The following ZFPM2 variants were observed in gnomAD, a reference collection of about 807,000 sequenced individuals.
The protein encoded by ZFPM2 is zinc finger protein ZFPM2.
In ZFPM2, 20 loss-of-function variants were observed where a neutral mutation model predicts 98.6. The observed-to-expected ratio is 0.20, with a 90% CI of 0.14 to 0.29. ZFPM2 has a LOEUF of 0.29. Among genes scored for constraint, ZFPM2 ranks in the 10% least tolerant of loss-of-function variants. ZFPM2 has a pLI of 1.00. For synonymous variants in ZFPM2, 518 were observed against 502.7 expected, an observed-to-expected ratio of 1.03 and a Z score of -0.41; for missense variants, 1,310 against 1,388.6, an observed-to-expected ratio of 0.94 and a Z score of 0.90.
chr8:105,426,105 C>T (rs1811902719), intron 2 of ZFPM2, among the ~76,000 whole-genome samples: 1 of 152,014 alleles, frequency 6.6e-6, no homozygotes, highest in Non-Finnish European at 1.5e-5. Flanking sequence ...TCAGAAACTG[C>T]ATAAGACAGC....
intron 3 of ZFPM2, among the ~76,000 whole-genome samples, chr8:105,463,855 CTA>C (rs1471788907): frequency 6.6e-6 from 1 of 151,988 alleles, no homozygotes; most frequent in African/African-American, 2.4e-5. Flanking sequence ...CTCTTAGCGT[CTA>C]CACTTAAATG....
intron 4 of ZFPM2, among the ~76,000 whole-genome samples, chr8:105,627,958 C>G (rs1274832565): frequency 1.3e-5 from 2 of 152,194 alleles, no homozygotes; most frequent in Non-Finnish European, 2.9e-5. Flanking sequence ...GACATCTATG[C>G]TAATCACCAC....
chr8:105,591,262 A>T (rs964599218), intron 4 of ZFPM2, among the ~76,000 whole-genome samples: 1 of 151,706 alleles, frequency 6.6e-6, no homozygotes, highest in African/African-American at 2.4e-5. Context: ...AAAAAAAAGC[A>T]ACAACAACAA....
chr8:105,587,503 A>G (rs1222953280), intron 4 of ZFPM2, among the ~76,000 whole-genome samples: 2 of 152,194 alleles, frequency 1.3e-5, no homozygotes, highest in Non-Finnish European at 1.5e-5. Context: ...TGTATGCCAA[A>G]TACCAAAACC....
intron 3 of ZFPM2, among the ~76,000 whole-genome samples, chr8:105,551,842 A>G (rs2130664297): frequency 6.6e-6 from 1 of 152,282 alleles, no homozygotes; most frequent in African/African-American, 2.4e-5. Flanking sequence ...ATGTTACAAT[A>G]CATGACCATA....
chr8:105,689,700 A>T (rs1160001463), intron 5 of ZFPM2, among the ~76,000 whole-genome samples: 2 of 152,180 alleles, frequency 1.3e-5, no homozygotes, highest in African/African-American at 2.4e-5. Flanking sequence ...GATGATGGTG[A>T]TTGTGATAAA....
At chr8:105,521,201 C>A (rs771757411) in intron 3 of ZFPM2, among the ~76,000 whole-genome samples, 2 of 151,988 alleles carry the variant, frequency 1.3e-5, no homozygotes, top group East Asian at 3.9e-4. Flanking sequence ...CCCATACACA[C>A]ACGGTGATCC....
chr8:105,661,989 G>T (rs1331459439), intron 5 of ZFPM2, among the ~76,000 whole-genome samples: 1 of 152,196 alleles, frequency 6.6e-6, no homozygotes, highest in Non-Finnish European at 1.5e-5. Flanking sequence ...AAAAAAAAAG[G>T]AAGCATGAGA....
intron 5 of ZFPM2, among the ~76,000 whole-genome samples, chr8:105,655,251 GAC>G (rs1817261245): frequency 1.0e-5 from 1 of 96,782 alleles, no homozygotes; most frequent in Non-Finnish European, 1.9e-5. Flanking sequence ...TTTTTTTTGA[GAC>G]AGAGTTTCGC....
intron 3 of ZFPM2, among the ~76,000 whole-genome samples, chr8:105,538,538 G>A (rs1814508198): frequency 6.6e-6 from 1 of 151,926 alleles, no homozygotes; most frequent in Admixed American, 6.6e-5. Flanking sequence ...TATTTAAATT[G>A]TTGTGTTGTC....
chr8:105,328,860 G>A (rs946729449), intron 1 of ZFPM2, among the ~76,000 whole-genome samples: 9 of 151,646 alleles, frequency 5.9e-5, no homozygotes, highest in South Asian at 2.1e-4. Flanking sequence ...GTACTCTTGC[G>A]TTTTTTGGAA....
intron 3 of ZFPM2, among the ~76,000 whole-genome samples, chr8:105,507,303 T>C (rs1813724178): frequency 6.6e-6 from 1 of 152,190 alleles, no homozygotes; most frequent in Non-Finnish European, 1.5e-5. Context: ...GGGTGAGTAC[T>C]TGTGTCTATC....
chr8:105,742,588 G>T (rs1812245115), intron 5 of ZFPM2, among the ~76,000 whole-genome samples: 1 of 151,636 alleles, frequency 6.6e-6, no homozygotes, highest in African/African-American at 2.4e-5. Flanking sequence ...TCAAGGAACT[G>T]GGAGTTCAAA....
At chr8:105,661,641 A>G (rs1817390627) in intron 5 of ZFPM2, among the ~76,000 whole-genome samples, 1 of 151,824 alleles carries the variant, frequency 6.6e-6, no homozygotes, top group South Asian at 2.1e-4. Context: ...GACCAGCTTC[A>G]CTTTTCCCCT....
intron 5 of ZFPM2, among the ~76,000 whole-genome samples, chr8:105,685,583 C>G (rs1461324929): frequency 1.3e-5 from 2 of 151,598 alleles, no homozygotes; most frequent in African/African-American, 4.8e-5. Flanking sequence ...CTTTTTTTTC[C>G]CAGCAATGCC....
intron 1 of ZFPM2, among the ~76,000 whole-genome samples, chr8:105,393,337 C>T (rs113889765): frequency 0.15 from 17,538 of 114,572 alleles, 1,618 homozygotes; most frequent in African/African-American, 0.25. Flanking sequence ...TCTCTCTTTG[C>T]CTTTCTTTCT....
intron 6 of ZFPM2, among the ~76,000 whole-genome samples, chr8:105,792,409 T>A (rs1813643653): frequency 6.6e-6 from 1 of 152,178 alleles, no homozygotes; most frequent in South Asian, 2.1e-4. Context: ...TTTCAGTGAG[T>A]TTCTTAATCC....
rs570182344 is a variant in ZFPM2 at position 105,726,664 on chromosome 8, C to T, written c.533-62054C>T. On this transcript the variant is annotated intron_variant, in intron 5 of 7. Transcript: ENST00000407775. ...TCATAAATGAGTTTATACTCAATCT[C>T]CATGGAGTGAAAGGATGCACTTAAG... Among the ~76,000 whole-genome samples, 56 of 151,822 alleles carry T rather than the reference C, an allele frequency of 3.7e-4. 1 individual carries two copies. In the South Asian group the frequency reaches 0.011, roughly 31 times the overall value.
At chr8:105,677,474 T>C (rs1163621467) in intron 5 of ZFPM2, among the ~76,000 whole-genome samples, 1 of 152,136 alleles carries the variant, frequency 6.6e-6, no homozygotes, top group African/African-American at 2.4e-5. Context: ...CACAAAACAA[T>C]GATATTGCTA....
Sources: allele counts gnomAD v4.1 joint callset (sites outside exome capture counted in the v4.1 genomes callset), GRCh38; gene constraint gnomAD v4.1.1; transcripts MANE v1.5; gene names NCBI Gene and HGNC (gene_info 2026-07-23, HGNC 2026-07-21).